The following KALRN variants were observed in gnomAD, a reference collection of about 807,000 sequenced individuals.
KALRN encodes kalirin.
Under a neutral mutation model 353.7 loss-of-function variants are expected in KALRN, and 70 were observed. That is an observed-to-expected ratio of 0.20 (90% CI 0.16 to 0.24). The LOEUF is 0.24. Among genes scored for constraint, KALRN ranks in the 10% least tolerant of loss-of-function variants. The pLI is 1.00. For missense variants in KALRN, 2,791 were observed against 3,756.7 expected, an observed-to-expected ratio of 0.74 and a Z score of 6.72; for synonymous variants, 1,391 against 1,434.8, an observed-to-expected ratio of 0.97 and a Z score of 0.69.
At chr3:124,604,123 T>C (rs1226291046) in intron 34 of KALRN, among the ~76,000 whole-genome samples, 1 of 144,208 alleles carries the variant, frequency 6.9e-6, no homozygotes, top group African/African-American at 2.6e-5. Flanking sequence ...AACAAATAGA[T>C]GGTCAGGACT....
chr3:124,370,811 G>A (rs754457219), intron 10 of KALRN, among the ~76,000 whole-genome samples: 15 of 152,172 alleles, frequency 9.9e-5, no homozygotes, highest in African/African-American at 2.7e-4. Flanking sequence ...AGTCAGAATT[G>A]TGTAAGCTGA....
chr3:124,240,131 G>T (rs1055850431), intron 3 of KALRN, among the ~76,000 whole-genome samples: 2 of 152,146 alleles, frequency 1.3e-5, no homozygotes, highest in African/African-American at 4.8e-5. Flanking sequence ...TTGGCTATAT[G>T]TAACCCCAGC....
At chr3:124,480,387 C>T (rs566908139) in intron 27 of KALRN, among the ~76,000 whole-genome samples, 4 of 152,226 alleles carry the variant, frequency 2.6e-5, no homozygotes, top group South Asian at 2.1e-4. Context: ...ATTATCTCTC[C>T]TCCACCCTTC....
chr3:124,227,523 C>G (rs1021887426), intron 1 of KALRN, among the ~76,000 whole-genome samples: 4 of 152,270 alleles, frequency 2.6e-5, no homozygotes, highest in South Asian at 4.2e-4. Flanking sequence ...ACTTTGTAAT[C>G]CATCTTGATA....
intron 1 of KALRN, among the ~76,000 whole-genome samples, chr3:124,175,739 G>A (rs2072637513): frequency 6.6e-6 from 1 of 152,250 alleles, no homozygotes; most frequent in Non-Finnish European, 1.5e-5. Context: ...GTACAGCCAA[G>A]TGTCCAGGCC....
chr3:124,213,325 T>C (rs9828663), intron 1 of KALRN, among the ~76,000 whole-genome samples: 9,421 of 152,196 alleles, frequency 0.062, 284 homozygotes, highest in Middle Eastern at 0.088. Context: ...CTCCATTGTT[T>C]TAGATTATTT....
chr3:124,632,519 G>A lies in KALRN; in HGVS notation c.5282G>A (p.Gly1761Asp). The change falls in exon 35 of 60, where the codon GGT becomes GAT. Residue 1761 changes from glycine (G) to aspartate (D), a missense_variant. By Grantham distance (94) the Gly-to-Asp change is moderately conservative (BLOSUM62 -1). This residue lies in a region of KALRN where 1,065 missense variants were observed against 1,156.4 expected (regional missense o/e 0.92). Coordinates refer to ENST00000682506, the MANE Select transcript of KALRN (RefSeq NM_001388419.1). ...PSLNSIHSSP[G>D]PKRSTNTLKK... is the part of the protein sequence containing the mutation. ...CTGAACTCCATCCACAGTTCCCCGG[G>A]TCCCAAGCGCTCCACCAACACTCTT... The A allele has an allele frequency of 6.2e-7, 1 of 1,614,166 alleles. No individual in the cohort carries two copies. The highest frequency in any genetic ancestry group is 8.5e-7 in the Non-Finnish European group (1 of 1,180,034).
chr3:124,236,660 T>C (rs2079811764), intron 3 of KALRN, among the ~76,000 whole-genome samples: 1 of 152,194 alleles, frequency 6.6e-6, no homozygotes, highest in Admixed American at 6.5e-5. Context: ...GGAAGAATAC[T>C]TTTCTTCATT....
At chr3:124,358,345 C>A (rs955356272) in intron 10 of KALRN, among the ~76,000 whole-genome samples, 2 of 152,164 alleles carry the variant, frequency 1.3e-5, no homozygotes, top group African/African-American at 4.8e-5. Flanking sequence ...TCAGAGGAGG[C>A]TTTAACCTTC....
At chr3:124,296,445 C>T (rs2076854853) in intron 5 of KALRN, among the ~76,000 whole-genome samples, 1 of 152,174 alleles carries the variant, frequency 6.6e-6, no homozygotes, top group South Asian at 2.1e-4. Flanking sequence ...TCAAATCTGC[C>T]AATTTCTCAG....
In KALRN at chr3:124,455,048, G is replaced by A; in HGVS notation, c.3553-129G>A. On this transcript the variant is annotated intron_variant, in intron 21 of 59. Transcript: ENST00000682506. ...AGATCTCCCAGTTAGTAGTAACAAA[G>A]CTGGGATACATACCCAGGTAGTCAG... The A allele has an allele frequency of 6.7e-6, 6 of 900,322 alleles. No individual in the cohort carries two copies. In the South Asian group the frequency reaches 1.0e-4, roughly 15 times the overall value. The allele number at this position is 900,322 out of a possible 1,614,324, so 55.8% of individuals were successfully genotyped here. A position where few individuals can be genotyped will look rare whatever the true frequency, so the allele number is the denominator to read the frequency against.
At chr3:124,445,185 A>G (rs997007535) in intron 19 of KALRN, among the ~76,000 whole-genome samples, 2 of 152,150 alleles carry the variant, frequency 1.3e-5, no homozygotes, top group South Asian at 2.1e-4. Context: ...CAGTTTTCTC[A>G]TCTGTATAAT....
At chr3:124,058,989 A>G (rs2041790781) in intron 1 of KALRN, among the ~76,000 whole-genome samples, 1 of 152,216 alleles carries the variant, frequency 6.6e-6, no homozygotes, top group Non-Finnish European at 1.5e-5. Context: ...GACCAGCTCT[A>G]ATTCCACTGG....
chr3:124,281,392 A>T (rs188637484), intron 5 of KALRN, among the ~76,000 whole-genome samples: 5 of 152,288 alleles, frequency 3.3e-5, no homozygotes, highest in Admixed American at 2.0e-4. Context: ...TGACCTTGTC[A>T]TGAGGTGGCA....
intron 47 of KALRN, among the ~76,000 whole-genome samples, chr3:124,671,412 CCA>C (rs1036792435): frequency 1.1e-4 from 16 of 152,206 alleles, no homozygotes; most frequent in Non-Finnish European, 1.5e-5. Flanking sequence ...GTTATTACCA[CCA>C]CACACATATT....
intron 33 of KALRN, among the ~76,000 whole-genome samples, chr3:124,561,365 C>T (rs574688522): frequency 1.6e-4 from 25 of 152,278 alleles, no homozygotes; most frequent in Non-Finnish European, 2.8e-4. Flanking sequence ...CCTATGGGGA[C>T]GTGGTTAGCA....
chr3:124,681,814 G>A (rs559505472), intron 51 of KALRN, among the ~76,000 whole-genome samples: 1 of 151,992 alleles, frequency 6.6e-6, no homozygotes, highest in African/African-American at 2.4e-5. Flanking sequence ...ATTTTTGGTA[G>A]AGACAGGGCT....
chr3:124,469,250 A>C (rs2060650298), intron 25 of KALRN, among the ~76,000 whole-genome samples: 1 of 152,220 alleles, frequency 6.6e-6, no homozygotes, highest in Non-Finnish European at 1.5e-5. Context: ...GGAGGCTGAG[A>C]GTGTGATGTG....
At chr3:124,595,238 C>T (rs191553502) in intron 34 of KALRN, among the ~76,000 whole-genome samples, 137 of 151,764 alleles carry the variant, frequency 9.0e-4, no homozygotes, top group African/African-American at 3.0e-3. Context: ...ACTGTTTTCA[C>T]CTAACATATT....
Sources: allele counts gnomAD v4.1 joint callset (sites outside exome capture counted in the v4.1 genomes callset), GRCh38; gene constraint gnomAD v4.1.1; regional missense constraint gnomAD v4.1.1; transcripts MANE v1.5; gene names NCBI Gene and HGNC (gene_info 2026-07-23, HGNC 2026-07-21).